Variants in PCCA observed in about 807,000 individuals in gnomAD.
PCCA encodes the protein propionyl-CoA carboxylase alpha chain, mitochondrial.
Under a neutral mutation model 101.3 loss-of-function variants are expected in PCCA, and 74 were observed. The observed-to-expected ratio is 0.73, with a 90% CI of 0.61 to 0.89. PCCA has a LOEUF of 0.89. Ranked by LOEUF, PCCA falls within the 40% of genes least tolerant of loss-of-function variation. The pLI, the probability that PCCA is intolerant of heterozygous loss-of-function variation, is 0.00. For missense variants in PCCA, 891 were observed against 907.0 expected (o/e 0.98, Z 0.23); for synonymous variants, 294 against 313.6 (o/e 0.94, Z 0.66).
chr13:100,399,481 C>T (rs2077214382), intron 19 of PCCA, among the ~76,000 whole-genome samples: 1 of 152,154 alleles, frequency 6.6e-6, no homozygotes, highest in African/African-American at 2.4e-5. Context: ...AATTTGTAGA[C>T]TTGTAAATGT....
intron 21 of PCCA, among the ~76,000 whole-genome samples, chr13:100,459,107 C>G (rs1414243129): frequency 6.6e-6 from 1 of 152,134 alleles, no homozygotes; most frequent in Non-Finnish European, 1.5e-5. Flanking sequence ...ATTCCAGGGT[C>G]TTCTGCTGCT....
chr13:100,139,138 A>G (rs947494853), intron 4 of PCCA, among the ~76,000 whole-genome samples: 1 of 151,246 alleles, frequency 6.6e-6, no homozygotes, highest in African/African-American at 2.4e-5. Flanking sequence ...CTTTATAGTT[A>G]ATGTGTTGTT....
chr13:100,267,733 C>T (rs2063039011), intron 10 of PCCA, among the ~76,000 whole-genome samples: 1 of 152,096 alleles, frequency 6.6e-6, no homozygotes, highest in Admixed American at 6.6e-5. Context: ...TGAAGAGCTG[C>T]TTTTGAGTTT....
chr13:100,464,148 A>C (rs946549129), intron 21 of PCCA, among the ~76,000 whole-genome samples: 1 of 152,192 alleles, frequency 6.6e-6, no homozygotes, highest in Non-Finnish European at 1.5e-5. Context: ...TTTTCCATTT[A>C]AAATATTTGA....
rs997435682 is a variant in PCCA at position 100,201,888 on chromosome 13, A to C, written c.469-7444A>C. The stretch of plus-strand genomic sequence containing the variant: ...AAAAAAAAAAAAAAAAAAAAAAAAA[A>C]CCAAAAGCAGGGAGTGAATGGGCCA... On this transcript the variant is annotated intron_variant, in intron 6 of 23. Coordinates refer to ENST00000376285, the MANE Select transcript of PCCA (RefSeq NM_000282.4). Among the ~76,000 whole-genome samples, 10 of 143,282 alleles carry C rather than the reference A, an allele frequency of 7.0e-5. No individual in the cohort carries two copies. In the East Asian group the frequency reaches 8.2e-4, roughly 12 times the overall value. 94.0% of individuals were successfully genotyped at this position (143,282 alleles called of 152,430 possible).
At chr13:100,472,268 G>A (rs900918048) in intron 21 of PCCA, among the ~76,000 whole-genome samples, 1 of 152,014 alleles carries the variant, frequency 6.6e-6, no homozygotes, top group African/African-American at 2.4e-5. Context: ...CAAGGTCCCT[G>A]GGCACGACGA....
chr13:100,513,189 A>G (rs1300772044), intron 21 of PCCA, among the ~76,000 whole-genome samples: 1 of 152,252 alleles, frequency 6.6e-6, no homozygotes, highest in East Asian at 1.9e-4. Context: ...CGGGCTCAGG[A>G]CAACATCAAA....
chr13:100,406,118 G>A (rs1318564896), intron 19 of PCCA, among the ~76,000 whole-genome samples: 10 of 152,092 alleles, frequency 6.6e-5, no homozygotes, highest in Admixed American at 2.0e-4. Context: ...CAGGGACTGC[G>A]TAGACAGGGG....
At chr13:100,467,841 C>G (rs1261651070) in intron 21 of PCCA, among the ~76,000 whole-genome samples, 1 of 152,200 alleles carries the variant, frequency 6.6e-6, no homozygotes, top group African/African-American at 2.4e-5. Flanking sequence ...TTGGCCTCTT[C>G]CCATGTGAAT....
chr13:100,458,294 T>TACACACACACACAC (rs57961819), intron 21 of PCCA, among the ~76,000 whole-genome samples: 4 of 86,480 alleles, frequency 4.6e-5, no homozygotes, highest in East Asian at 4.1e-4. Flanking sequence ...ACCCCATCTC[T>TACACACACACACAC]ACACACACAC....
chr13:100,405,167 C>T (rs2077598357), intron 19 of PCCA, among the ~76,000 whole-genome samples: 1 of 152,184 alleles, frequency 6.6e-6, no homozygotes. Flanking sequence ...GTGCATGGTG[C>T]TTGGCTTTGG....
At chr13:100,359,533 A>G (rs1334168334) in intron 18 of PCCA, among the ~76,000 whole-genome samples, 1 of 152,254 alleles carries the variant, frequency 6.6e-6, no homozygotes, top group African/African-American at 2.4e-5. Context: ...TGAATAAACT[A>G]GCAACAATGG....
At chr13:100,340,038 A>G in intron 17 of PCCA, 119 bp from the exon 18 acceptor site, 1 of 723,864 alleles carries the variant, frequency 1.4e-6, no homozygotes, top group Non-Finnish European at 2.5e-6. Flanking sequence ...GTACAATCCT[A>G]GCTGCATAAT....
At chr13:100,100,167 C>A (rs2047143278) in intron 1 of PCCA, among the ~76,000 whole-genome samples, 2 of 152,138 alleles carry the variant, frequency 1.3e-5, no homozygotes, top group South Asian at 4.1e-4. Flanking sequence ...AACGGGGGCC[C>A]AGAGAAATGA....
At chr13:100,218,788 G>T (rs1035269959) in intron 7 of PCCA, among the ~76,000 whole-genome samples, 1 of 152,180 alleles carries the variant, frequency 6.6e-6, no homozygotes, top group South Asian at 2.1e-4. Context: ...TGTCACTCTT[G>T]TGATTATGTT....
intron 23 of PCCA, among the ~76,000 whole-genome samples, chr13:100,528,857 A>G (rs751372321): frequency 6.6e-5 from 10 of 152,254 alleles, no homozygotes; most frequent in Non-Finnish European, 1.2e-4. Context: ...CTGCCCTAGT[A>G]TCACGACATC....
intron 8 of PCCA, among the ~76,000 whole-genome samples, chr13:100,242,246 C>G (rs945595029): frequency 3.9e-5 from 6 of 152,018 alleles, no homozygotes; most frequent in African/African-American, 1.5e-4. Context: ...AAATAGTAAC[C>G]AAAAGAGAGC....
chr13:100,313,075 G>T (rs963568277), intron 16 of PCCA, among the ~76,000 whole-genome samples: 1 of 151,688 alleles, frequency 6.6e-6, no homozygotes, highest in Non-Finnish European at 1.5e-5. Context: ...ACTTTTTTTT[G>T]ATATTTGCTT....
intron 19 of PCCA, among the ~76,000 whole-genome samples, chr13:100,400,630 C>CTTTTTTTTTTTTTTTTTTTTTTTTT (rs1281449669): frequency 6.6e-5 from 6 of 90,972 alleles, no homozygotes; most frequent in African/African-American, 2.7e-4. Flanking sequence ...CTTTTTAGTT[C>CTTTTTTTTTTTTTTTTTTTTTTTTT]TTTTTTTTTT....
Sources: gnomAD v4.1 joint callset for allele counts (sites outside exome capture counted in the v4.1 genomes callset) on GRCh38, gnomAD v4.1.1 for gene constraint, MANE v1.5 for transcripts, NCBI Gene and HGNC (gene_info 2026-07-23, HGNC 2026-07-21) for gene names.